Variants in SULF1 observed in about 807,000 individuals in gnomAD.
SULF1 encodes sulfatase 1.
Under a neutral mutation model 110.5 loss-of-function variants are expected in SULF1, and 46 were observed. The observed-to-expected ratio is 0.42, with a 90% CI of 0.33 to 0.53. The LOEUF is 0.53. SULF1 is among the 20% of genes least tolerant of loss of function. SULF1 has a pLI of 0.12. For synonymous variants in SULF1, 371 were observed against 387.1 expected, an observed-to-expected ratio of 0.96 and a Z score of 0.49; for missense variants, 941 against 1,094.2, an observed-to-expected ratio of 0.86 and a Z score of 1.98.
intron 3 of SULF1, among the ~76,000 whole-genome samples, chr8:69,558,448 G>A (rs149714010): frequency 9.9e-4 from 151 of 152,316 alleles, no homozygotes; most frequent in African/African-American, 3.6e-3. Context: ...CCCCATCCAA[G>A]AGAGGTTTAT....
intron 3 of SULF1, among the ~76,000 whole-genome samples, chr8:69,532,502 A>G (rs1452835492): frequency 2.0e-5 from 3 of 152,166 alleles, no homozygotes; most frequent in Non-Finnish European, 2.9e-5. Context: ...TGGTTTTAAT[A>G]ACTGTTAGAA....
intron 3 of SULF1, among the ~76,000 whole-genome samples, chr8:69,506,585 C>T (rs928108305): frequency 1.3e-5 from 2 of 152,192 alleles, no homozygotes; most frequent in Non-Finnish European, 2.9e-5. Flanking sequence ...CTCCTCTCTC[C>T]TCCCATCTGA....
At chr8:69,572,648 G>A (rs573267344) in intron 5 of SULF1, among the ~76,000 whole-genome samples, 4 of 152,216 alleles carry the variant, frequency 2.6e-5, no homozygotes, top group Admixed American at 2.6e-4. Flanking sequence ...GGCAGCTTCG[G>A]CTTCACCCAG....
chr8:69,527,069 T>G (rs1189105797), intron 3 of SULF1, among the ~76,000 whole-genome samples: 1 of 152,270 alleles, frequency 6.6e-6, no homozygotes, highest in East Asian at 1.9e-4. Context: ...TGTTTGGCTT[T>G]GGCTGGTATC....
At chr8:69,580,461 G>T (rs975527911) in intron 6 of SULF1, among the ~76,000 whole-genome samples, 1 of 152,124 alleles carries the variant, frequency 6.6e-6, no homozygotes, top group Non-Finnish European at 1.5e-5. Flanking sequence ...TGAAAACATC[G>T]TGGAATCACA....
intron 3 of SULF1, among the ~76,000 whole-genome samples, chr8:69,506,929 A>G (rs765826499): frequency 6.6e-6 from 1 of 152,198 alleles, no homozygotes; most frequent in Non-Finnish European, 1.5e-5. Flanking sequence ...TTCTATGCTC[A>G]AAAGCGCAAG....
chr8:69,577,211 A>G (rs1401498007), intron 6 of SULF1, among the ~76,000 whole-genome samples: 2 of 152,258 alleles, frequency 1.3e-5, no homozygotes, highest in Non-Finnish European at 2.9e-5. Context: ...TAGGTTACGT[A>G]GAGGTTACAG....
At chr8:69,654,645 CAGA>C (rs977140774) in intron 22 of SULF1, among the ~76,000 whole-genome samples, 1 of 152,222 alleles carries the variant, frequency 6.6e-6, no homozygotes, top group African/African-American at 2.4e-5. Flanking sequence ...AAGTGCTGTG[CAGA>C]AGACTTGCAT....
chr8:69,551,448 T>G (rs1814701899), intron 3 of SULF1, among the ~76,000 whole-genome samples: 5 of 152,190 alleles, frequency 3.3e-5, no homozygotes. Context: ...TGGATACTTG[T>G]TGAAGGAGGT....
At chr8:69,494,011 A>G (rs142619719) in intron 1 of SULF1, among the ~76,000 whole-genome samples, 28 of 151,018 alleles carry the variant, frequency 1.9e-4, no homozygotes, top group African/African-American at 6.8e-4. Context: ...CAAAGGGTCT[A>G]TTTTGGGCAA....
intron 22 of SULF1, chr8:69,642,421 A>G (rs564279624): frequency 7.1e-6 from 7 of 985,942 alleles, no homozygotes; most frequent in East Asian, 1.1e-4. Context: ...TCTTTTTTCT[A>G]TTTTCTCTTG....
intron 8 of SULF1, chr8:69,597,509 G>A (rs913909819): frequency 2.0e-5 from 3 of 152,190 alleles, no homozygotes; most frequent in African/African-American, 7.2e-5. Context: ...AACAGTCCCT[G>A]AACTTTCCCT....
chr8:69,473,909 C>A (rs751901179), intron 1 of SULF1, among the ~76,000 whole-genome samples: 2 of 152,170 alleles, frequency 1.3e-5, no homozygotes, highest in African/African-American at 2.4e-5. Flanking sequence ...CTAATACATG[C>A]AACTTTTTCC....
chr8:69,621,741 T>C (rs1809628379), intron 14 of SULF1, among the ~76,000 whole-genome samples: 1 of 152,242 alleles, frequency 6.6e-6, no homozygotes, highest in Admixed American at 6.5e-5. Context: ...TTTAATTCTG[T>C]CAAATCATTG....
intron 3 of SULF1, among the ~76,000 whole-genome samples, chr8:69,538,186 T>C (rs1314830016): frequency 1.3e-5 from 2 of 152,062 alleles, no homozygotes; most frequent in Non-Finnish European, 2.9e-5. Flanking sequence ...TGTCAAATAC[T>C]TTTATACTTT....
At chr8:69,612,451 T>A (rs114772136) in intron 13 of SULF1, among the ~76,000 whole-genome samples, 3,417 of 152,344 alleles carry the variant, frequency 0.022, 131 homozygotes, top group African/African-American at 0.078. Context: ...ATGGTTGCAC[T>A]AATTTACATT....
intron 13 of SULF1, among the ~76,000 whole-genome samples, chr8:69,611,426 G>A (rs542673095): frequency 7.7e-4 from 117 of 151,868 alleles, no homozygotes; most frequent in Non-Finnish European, 1.3e-3. Flanking sequence ...TCTGTTTTCC[G>A]TCCCCCTCTC....
In SULF1 at chr8:69,493,004, A is replaced by C. The variant is rs1810040707; in HGVS notation, c.-512A>C. ...CGCTCCTCGGAGGTCAGGGCAGATG[A>C]GGAACATGACTCTCCCCCTTCGGAG... On this transcript the variant is annotated 5_prime_UTR_variant, in exon 1 of 23. An upstream open reading frame in the 5' UTR loses its in-frame stop. Coordinates refer to ENST00000402687, the MANE Select transcript of SULF1 (RefSeq NM_001128205.2). 1 of 152,616 alleles carries C rather than the reference A, an allele frequency of 6.6e-6. No individual in the cohort carries two copies. The highest frequency in any genetic ancestry group is 1.5e-5 in the Non-Finnish European group (1 of 68,080). The allele number at this position is 152,616 out of a possible 1,614,324, so 9.5% of individuals were successfully genotyped here.
In SULF1 at chr8:69,629,655, TG is replaced by T; in HGVS notation, c.2262del (p.Trp754CysfsTer50). The T allele has an allele frequency of 6.2e-7, 1 of 1,610,914 alleles. No homozygotes were observed. The highest frequency in any genetic ancestry group is 8.5e-7 in the Non-Finnish European group (1 of 1,178,614). On this transcript the variant is annotated frameshift_variant, in exon 19 of 23. Coordinates refer to ENST00000402687, the MANE Select transcript of SULF1 (RefSeq NM_001128205.2). LOFTEE classifies it high-confidence loss of function. ...LTCFTHDNNH[W>X]QTAPFWNLGS... is the part of the protein sequence containing the mutation. ...TTGCTTCACGCATGACAACAACCAC[TG>T]GCAGACAGCCCCGTTCTGGAACCGT...
Sources: allele counts gnomAD v4.1 joint callset (sites outside exome capture counted in the v4.1 genomes callset), GRCh38; gene constraint gnomAD v4.1.1; transcripts MANE v1.5; gene names NCBI Gene and HGNC (gene_info 2026-07-23, HGNC 2026-07-21).